The following CPNE4 variants were observed in gnomAD, a reference collection of about 807,000 sequenced individuals.
CPNE4 encodes the protein copine 4, also known as copine-4.
A neutral mutation model predicts 67.9 loss-of-function variants in CPNE4; 25 were observed. The observed-to-expected ratio is 0.37, with a 90% confidence interval of 0.27 to 0.51. The LOEUF is 0.51. Ranked by LOEUF, CPNE4 falls within the 20% of genes least tolerant of loss-of-function variation. The pLI is 0.93. For synonymous variants in CPNE4, 242 were observed against 244.9 expected, an observed-to-expected ratio of 0.99 and a Z score of 0.11; for missense variants, 464 against 690.8, an observed-to-expected ratio of 0.67 and a Z score of 3.68.
At chr3:131,841,257 G>T (rs750049) in intron 2 of CPNE4, among the ~76,000 whole-genome samples, 4 of 152,044 alleles carry the variant, frequency 2.6e-5, no homozygotes, top group Non-Finnish European at 2.9e-5. Flanking sequence ...ACTGTCATGA[G>T]GCAAATAGAT....
chr3:131,623,503 T>C (rs1940585313), intron 7 of CPNE4, among the ~76,000 whole-genome samples: 1 of 152,232 alleles, frequency 6.6e-6, no homozygotes, highest in African/African-American at 2.4e-5. Flanking sequence ...TCAAGAACTG[T>C]CATTCTTGAC....
At chr3:131,784,133 T>A (rs888522444) in intron 2 of CPNE4, among the ~76,000 whole-genome samples, 2 of 152,110 alleles carry the variant, frequency 1.3e-5, no homozygotes, top group African/African-American at 2.4e-5. Context: ...AGGGTTGGAA[T>A]GTTCCTAAAA....
At chr3:131,632,591 T>C (rs754259985) in intron 7 of CPNE4, among the ~76,000 whole-genome samples, 1 of 152,144 alleles carries the variant, frequency 6.6e-6, no homozygotes, top group Non-Finnish European at 1.5e-5. Context: ...TCCTCCTCCT[T>C]AATATACTAT....
chr3:131,962,144 C>T lies in CPNE4; in HGVS notation c.-1-56700G>A, dbSNP rs774412161. On this transcript the variant is annotated intron_variant, in intron 1 of 15. Transcript: ENST00000429747. ...ACTCCCCTTCTAACCTGACAAACTCCTATTTGCTCCTCGAGGCCCTGCCTT... is the reference window on the plus strand; with the variant it reads ...ACTCCCCTTCTAACCTGACAAACTCTTATTTGCTCCTCGAGGCCCTGCCTT... 3.3e-5 allele frequency among the ~76,000 whole-genome samples: 5 copies of T among 150,498 alleles called. No individual in the cohort carries two copies. In the South Asian group the frequency reaches 1.0e-3, roughly 31 times the overall value.
intron 2 of CPNE4, among the ~76,000 whole-genome samples, chr3:131,818,984 C>G (rs982324693): frequency 6.6e-6 from 1 of 152,106 alleles, no homozygotes; most frequent in African/African-American, 2.4e-5. Flanking sequence ...CCTGTAAACT[C>G]AGCTACTTGG....
intron 2 of CPNE4, among the ~76,000 whole-genome samples, chr3:131,749,567 G>T (rs1203132292): frequency 2.0e-5 from 3 of 152,054 alleles, no homozygotes; most frequent in African/African-American, 7.2e-5. Context: ...CTCCAGTTTT[G>T]ATTGTGAATT....
intron 11 of CPNE4, among the ~76,000 whole-genome samples, chr3:131,557,538 A>G (rs1486436634): frequency 6.6e-6 from 1 of 152,076 alleles, no homozygotes; most frequent in East Asian, 1.9e-4. Context: ...GATACAAGGA[A>G]GCTGGAATTC....
intron 7 of CPNE4, among the ~76,000 whole-genome samples, chr3:131,641,328 A>T (rs2079535250): frequency 6.6e-6 from 1 of 152,156 alleles, no homozygotes; most frequent in Admixed American, 6.5e-5. Context: ...AGAAAAAAAA[A>T]ATCCCATCAA....
rs986952953 is a variant in CPNE4 at position 131,989,712 on chromosome 3, A to G, written c.-2+44855T>C. 1.2e-4 allele frequency among the ~76,000 whole-genome samples: 17 copies of G among 136,950 alleles called. 1 individual carries two copies. Among genetic ancestry groups the G allele is most frequent in the African/African-American group, 3.4e-4 (14 of 40,826 alleles). The allele number at this position is 136,950 out of a possible 152,430, so 89.8% of individuals were successfully genotyped here. On this transcript the variant is annotated intron_variant, in intron 1 of 15. Transcript: ENST00000429747. ...AAACAATGTAATTTGAGGTGGTGAT[A>G]GGTGAGGAATAAATCCAAATTTTAC...
At chr3:131,743,401 C>T (rs953183537) in intron 2 of CPNE4, among the ~76,000 whole-genome samples, 2 of 152,148 alleles carry the variant, frequency 1.3e-5, no homozygotes, top group Non-Finnish European at 2.9e-5. Context: ...GAAAGCTAGA[C>T]AGCTCACCAA....
intron 1 of CPNE4, among the ~76,000 whole-genome samples, chr3:132,021,616 G>GA (rs2107689839): frequency 6.6e-6 from 1 of 152,206 alleles, no homozygotes; most frequent in Admixed American, 6.5e-5. Flanking sequence ...CTTTATTTAT[G>GA]AAAAAAGTGT....
At position 131,542,822 on chromosome 3, in the gene CPNE4, G is replaced by C. The variant is rs577700110; in HGVS notation, c.1303-29C>G. ...CAGTCAGATGCCCCATGATGATGGG[G>C]GGGGGTGAAGAGGTGAGGGAGACAA... On this transcript the variant is annotated intron_variant, in intron 14 of 15. Coordinates refer to ENST00000429747, the MANE Select transcript of CPNE4 (RefSeq NM_130808.3). 9.9e-5 allele frequency: 147 copies of C among 1,490,646 alleles called. 1 individual carries two copies. The African/African-American group carries it at 1.7e-3, about 17-fold the overall frequency. The allele number at this position is 1,490,646 out of a possible 1,614,324, so 92.3% of individuals were successfully genotyped here. A position where few individuals can be genotyped will look rare whatever the true frequency, so the allele number is the denominator to read the frequency against.
At chr3:131,949,827 CAT>C (rs1384421997) in intron 1 of CPNE4, among the ~76,000 whole-genome samples, 1 of 152,118 alleles carries the variant, frequency 6.6e-6, no homozygotes, top group African/African-American at 2.4e-5. Context: ...GTATATTTTA[CAT>C]AGTTATTTTC....
At chr3:131,818,150 T>C (rs1456528050) in intron 2 of CPNE4, among the ~76,000 whole-genome samples, 3 of 152,212 alleles carry the variant, frequency 2.0e-5, no homozygotes, top group Non-Finnish European at 4.4e-5. Context: ...GTCAAGAAAT[T>C]GGTTTTTTTT....
chr3:131,861,427 TGTGTGTGTGTGTGTGTG>T (rs2086677208), intron 2 of CPNE4, among the ~76,000 whole-genome samples: 1 of 151,236 alleles, frequency 6.6e-6, no homozygotes, highest in Non-Finnish European at 1.5e-5. Context: ...TGTGTGTGTG[TGTGTGTGTGTGTGTGTG>T]TGTGTGACGG....
At chr3:131,932,211 G>A (rs116335261) in intron 1 of CPNE4, among the ~76,000 whole-genome samples, 261 of 152,296 alleles carry the variant, frequency 1.7e-3, no homozygotes, top group African/African-American at 5.9e-3. Flanking sequence ...CTGACAATTT[G>A]AAAGGCCTCA....
intron 3 of CPNE4, among the ~76,000 whole-genome samples, chr3:131,712,089 C>T (rs2107724309): frequency 6.6e-6 from 1 of 152,284 alleles, no homozygotes; most frequent in African/African-American, 2.4e-5. Flanking sequence ...GAATTCTTTA[C>T]AAGTTTTAAA....
intron 1 of CPNE4, among the ~76,000 whole-genome samples, chr3:131,995,168 T>C (rs1170203175): frequency 6.6e-6 from 1 of 152,010 alleles, no homozygotes; most frequent in African/African-American, 2.4e-5. Flanking sequence ...TTTTATCTGT[T>C]CTCAAATCAG....
chr3:131,801,355 CATATATATATATGTACCATATATAT>C (rs1437090435), intron 2 of CPNE4, among the ~76,000 whole-genome samples: 3 of 89,778 alleles, frequency 3.3e-5, no homozygotes, highest in South Asian at 3.6e-4. Flanking sequence ...ATATATGTAC[CATATATATATATGTACCATATATAT>C]ATATATGGTA....
Sources: gnomAD v4.1 joint callset for allele counts (sites outside exome capture counted in the v4.1 genomes callset) on GRCh38, gnomAD v4.1.1 for gene constraint, MANE v1.5 for transcripts, NCBI Gene and HGNC (gene_info 2026-07-23, HGNC 2026-07-21) for gene names.